Variants in ARHGAP15 observed in about 807,000 individuals in gnomAD.
ARHGAP15 encodes rho GTPase-activating protein 15.
A neutral mutation model predicts 63.7 loss-of-function variants in ARHGAP15; 51 were observed. The observed-to-expected ratio is 0.80, with a 90% confidence interval of 0.64 to 1.01. The LOEUF (loss-of-function observed/expected upper bound fraction) is 1.01, where lower values mean the gene tolerates loss of function less well. Ranked by LOEUF, ARHGAP15 falls within the 50% of genes least tolerant of loss-of-function variation. The pLI, the probability that ARHGAP15 is intolerant of heterozygous loss-of-function variation, is 0.00. For synonymous variants in ARHGAP15, 191 were observed against 193.8 expected (o/e 0.99, Z 0.12); for missense variants, 560 against 564.6 (o/e 0.99, Z 0.08).
At chr2:143,343,131 A>G (rs1470875718) in intron 6 of ARHGAP15, among the ~76,000 whole-genome samples, 1 of 152,114 alleles carries the variant, frequency 6.6e-6, no homozygotes, top group Non-Finnish European at 1.5e-5. Flanking sequence ...GTAGATTTTT[A>G]TGATGATGTG....
intron 8 of ARHGAP15, among the ~76,000 whole-genome samples, chr2:143,452,543 T>C (rs1690451890): frequency 6.6e-6 from 1 of 151,968 alleles, no homozygotes; most frequent in East Asian, 1.9e-4. Context: ...ACCAGCTGCC[T>C]GTGGATGTGC....
At chr2:143,156,719 T>G (rs1236532351) in intron 2 of ARHGAP15, among the ~76,000 whole-genome samples, 1 of 151,950 alleles carries the variant, frequency 6.6e-6, no homozygotes, top group African/African-American at 2.4e-5. Context: ...AAATTTAGCA[T>G]GAGGAAGCCA....
intron 11 of ARHGAP15, among the ~76,000 whole-genome samples, chr2:143,611,870 A>G (rs778169337): frequency 1.3e-5 from 2 of 152,066 alleles, no homozygotes; most frequent in Non-Finnish European, 2.9e-5. Context: ...TTCCCCCTTT[A>G]CCACCCCTAT....
intron 2 of ARHGAP15, among the ~76,000 whole-genome samples, chr2:143,178,383 G>A (rs919962021): frequency 3.9e-5 from 6 of 152,052 alleles, no homozygotes; most frequent in Non-Finnish European, 8.8e-5. Context: ...TTACTTCTAA[G>A]GTGGCAATAA....
At chr2:143,613,856 T>C (rs1698355877) in intron 11 of ARHGAP15, among the ~76,000 whole-genome samples, 2 of 152,100 alleles carry the variant, frequency 1.3e-5, no homozygotes. Flanking sequence ...ATACGCCCAC[T>C]CCAACCCATC....
intron 12 of ARHGAP15, among the ~76,000 whole-genome samples, chr2:143,657,228 T>C (rs1396848078): frequency 6.6e-6 from 1 of 152,026 alleles, no homozygotes; most frequent in Non-Finnish European, 1.5e-5. Context: ...GCGCTTGTAG[T>C]CCCAGCTACT....
intron 6 of ARHGAP15, among the ~76,000 whole-genome samples, chr2:143,373,358 C>T (rs1016737123): frequency 3.3e-5 from 5 of 152,030 alleles, no homozygotes; most frequent in Admixed American, 2.0e-4. Flanking sequence ...AGGCCAGGCA[C>T]GGTGGCTCAC....
chr2:143,155,958 A>T (rs752728962), intron 2 of ARHGAP15, among the ~76,000 whole-genome samples: 1 of 151,688 alleles, frequency 6.6e-6, no homozygotes, highest in Non-Finnish European at 1.5e-5. Flanking sequence ...TTATGCTAGC[A>T]TGTGGTGTTT....
chr2:143,752,368 C>T (rs1159690084), intron 13 of ARHGAP15, among the ~76,000 whole-genome samples: 1 of 152,214 alleles, frequency 6.6e-6, no homozygotes, highest in African/African-American at 2.4e-5. Flanking sequence ...TCCACAACCT[C>T]CCACTATTAT....
chr2:143,534,330 A>T (rs1694652545), intron 10 of ARHGAP15, among the ~76,000 whole-genome samples: 4 of 152,196 alleles, frequency 2.6e-5, no homozygotes. Context: ...GAGTCAATTA[A>T]ACCTCTTTCC....
intron 6 of ARHGAP15, among the ~76,000 whole-genome samples, chr2:143,364,019 C>T (rs1033850089): frequency 3.9e-5 from 6 of 152,110 alleles, no homozygotes; most frequent in South Asian, 2.1e-4. Flanking sequence ...GTAAGATCAA[C>T]GAGCAAGATT....
chr2:143,168,941 A>G (rs564146161), intron 2 of ARHGAP15, among the ~76,000 whole-genome samples: 7 of 152,164 alleles, frequency 4.6e-5, no homozygotes, highest in African/African-American at 1.2e-4. Flanking sequence ...TTCATAGCCA[A>G]AATGTCTTTT....
At chr2:143,699,628 A>G (rs929509558) in intron 12 of ARHGAP15, among the ~76,000 whole-genome samples, 2 of 152,180 alleles carry the variant, frequency 1.3e-5, no homozygotes, top group African/African-American at 4.8e-5. Context: ...GTTGTTGTGT[A>G]ATGTTGGGCT....
intron 13 of ARHGAP15, among the ~76,000 whole-genome samples, chr2:143,723,050 C>G (rs1685131523): frequency 6.6e-6 from 1 of 152,194 alleles, no homozygotes. Flanking sequence ...TGAATTTTTG[C>G]TGTATCTTTT....
In ARHGAP15 at chr2:143,446,405, C is replaced by T. The variant is rs1184075468; in HGVS notation, c.703+9363C>T. On this transcript the variant is annotated intron_variant, in intron 8 of 13. Coordinates refer to ENST00000295095, the MANE Select transcript of ARHGAP15 (RefSeq NM_018460.4). Reference sequence around the variant, plus strand: ...ACTTTTGCAACTGTTGAAACAGTTGCCAAAATGCAGCATAAACAAATGCGT... The same window carrying T: ...ACTTTTGCAACTGTTGAAACAGTTGTCAAAATGCAGCATAAACAAATGCGT... Among the ~76,000 whole-genome samples, 3 of 151,894 alleles carry T rather than the reference C, an allele frequency of 2.0e-5. No homozygotes were observed. The East Asian group carries it at 5.8e-4, about 29-fold the overall frequency.
At chr2:143,737,215 C>G (rs1685780251) in intron 13 of ARHGAP15, among the ~76,000 whole-genome samples, 1 of 152,218 alleles carries the variant, frequency 6.6e-6, no homozygotes, top group South Asian at 2.1e-4. Context: ...AAGTGGGAGT[C>G]AGCCAAGAGA....
intron 6 of ARHGAP15, among the ~76,000 whole-genome samples, chr2:143,278,896 T>G (rs777397776): frequency 1.4e-5 from 2 of 146,582 alleles, no homozygotes; most frequent in Non-Finnish European, 3.0e-5. Context: ...CCAGGCTACA[T>G]GTAAGATGGA....
intron 12 of ARHGAP15, among the ~76,000 whole-genome samples, chr2:143,662,189 G>C (rs1396721986): frequency 4.6e-5 from 7 of 152,144 alleles, no homozygotes; most frequent in African/African-American, 1.7e-4. Context: ...GAAGAGAGCA[G>C]TGGTTCTCCC....
chr2:143,721,157 G>T (rs962980464), intron 13 of ARHGAP15, among the ~76,000 whole-genome samples: 4 of 151,656 alleles, frequency 2.6e-5, no homozygotes, highest in Non-Finnish European at 4.4e-5. Context: ...TGCCACTGCT[G>T]CTGCTGGTCT....
Sources: allele counts gnomAD v4.1 joint callset (sites outside exome capture counted in the v4.1 genomes callset), GRCh38; gene constraint gnomAD v4.1.1; transcripts MANE v1.5; gene names NCBI Gene and HGNC (gene_info 2026-07-23, HGNC 2026-07-21).